The following OR4N2 variants were observed in gnomAD, a reference collection of about 807,000 sequenced individuals.
The protein encoded by OR4N2 is olfactory receptor 4N2.
For synonymous variants in OR4N2, 141 were observed against 140.4 expected, an observed-to-expected ratio of 1.00 and a Z score of -0.03; for missense variants, 307 against 377.6, an observed-to-expected ratio of 0.81 and a Z score of 1.55.
chr14:19,812,529 T>G (rs1566463782), intron 1 of OR4N2, among the ~76,000 whole-genome samples: 2 of 152,278 alleles, frequency 1.3e-5, no homozygotes, highest in South Asian at 4.1e-4. Flanking sequence ...TGTTTGTTTT[T>G]TGTATTTTTC....
Position 19,821,711 on chromosome 14 carries a change from A to C in OR4N2, c.-9-5729A>C, listed in dbSNP as rs1159813672. The stretch of plus-strand genomic sequence containing the variant: ...CTTGGTATTATGTAGCACATTTAAA[A>C]AAATTTAGTTCTTGCAAACTCTGGT... On this transcript the variant is annotated intron_variant, in intron 1 of 1. Transcript: ENST00000557677. 7.9e-5 allele frequency among the ~76,000 whole-genome samples: 12 copies of C among 152,366 alleles called. No individual in the cohort carries two copies. The South Asian group carries it at 2.3e-3, about 29-fold the overall frequency.
At chr14:19,818,497 T>C (rs1233722575) in intron 1 of OR4N2, among the ~76,000 whole-genome samples, 1 of 152,324 alleles carries the variant, frequency 6.6e-6, no homozygotes, top group African/African-American at 2.4e-5. Flanking sequence ...GAGACTAGGA[T>C]TGCAACCGCT....
intron 1 of OR4N2, among the ~76,000 whole-genome samples, chr14:19,818,758 T>C (rs576252116): frequency 2.6e-5 from 4 of 151,800 alleles, no homozygotes; most frequent in African/African-American, 9.7e-5. Flanking sequence ...TGTTGGTTAA[T>C]GCAGTTTCTT....
intron 1 of OR4N2, among the ~76,000 whole-genome samples, chr14:19,814,563 A>G (rs532160452): frequency 2.0e-4 from 30 of 152,378 alleles, no homozygotes; most frequent in African/African-American, 7.2e-4. Context: ...TAATTTTAAA[A>G]TTTGTGATAA....
At chr14:19,817,475 G>A (rs1487645755) in intron 1 of OR4N2, among the ~76,000 whole-genome samples, 26 of 152,356 alleles carry the variant, frequency 1.7e-4, no homozygotes, top group Non-Finnish European at 2.8e-4. Context: ...TAGTTTATTT[G>A]TGTAGAGGTG....
Position 19,805,755 on chromosome 14 carries a change from G to A in OR4N2, c.-10+1911G>A, listed in dbSNP as rs539493396. On this transcript the variant is annotated intron_variant, in intron 1 of 1. Transcript: ENST00000557677. ...ATAGAGAGAACCCTGGCTAGATATC[G>A]TACGAGATGTACAAGGCACATAATC... Among the ~76,000 whole-genome samples the A allele has an allele frequency of 2.1e-3, 321 of 152,158 alleles. 1 individual carries two copies. Among genetic ancestry groups the A allele is most frequent in the Middle Eastern group, 6.8e-3 (2 of 294 alleles).
chr14:19,804,771 G>A (rs1184874378), intron 1 of OR4N2, among the ~76,000 whole-genome samples: 3 of 152,120 alleles, frequency 2.0e-5, no homozygotes, highest in African/African-American at 7.2e-5. Context: ...CTATCTCAAT[G>A]CTCTAATACT....
chr14:19,813,338 T>G (rs988015595), intron 1 of OR4N2, among the ~76,000 whole-genome samples: 2 of 152,280 alleles, frequency 1.3e-5, no homozygotes, highest in Non-Finnish European at 2.9e-5. Context: ...TGGAATGCCA[T>G]GCGAGCTGTC....
At chr14:19,805,237 T>A (rs117731273) in intron 1 of OR4N2, among the ~76,000 whole-genome samples, 83 of 152,332 alleles carry the variant, frequency 5.4e-4, no homozygotes, top group Non-Finnish European at 9.9e-4. Context: ...CCAGCAATGA[T>A]TCCTTACCCA....
Position 19,829,805 on chromosome 14 carries a change from T to G in OR4N2, c.*1433T>G, listed in dbSNP as rs1879821356. On this transcript the variant is annotated 3_prime_UTR_variant, in exon 2 of 2. Coordinates refer to ENST00000557677, the MANE Select transcript of OR4N2 (RefSeq NM_001004723.3). ...TTTTATTTTTGATAATCGCCAAAGT[T>G]TATACTTAGGAATATAAATTTTGTA... 1 of 152,254 alleles carries G rather than the reference T, an allele frequency of 6.6e-6. No individual in the cohort carries two copies. Among genetic ancestry groups the G allele is most frequent in the African/African-American group, 2.4e-5 (1 of 41,468 alleles). The allele number at this position is 152,254 out of a possible 1,614,324, so 9.4% of individuals were successfully genotyped here. A position where few individuals can be genotyped will look rare whatever the true frequency, so the allele number is the denominator to read the frequency against.
At chr14:19,809,985 A>C (rs199677268) in intron 1 of OR4N2, among the ~76,000 whole-genome samples, 12,398 of 149,736 alleles carry the variant, frequency 0.083, 105 homozygotes, top group East Asian at 0.18. Flanking sequence ...CCACAAAAAA[A>C]CAGAAATTGA....
intron 1 of OR4N2, among the ~76,000 whole-genome samples, chr14:19,820,148 T>C (rs1363530423): frequency 6.6e-6 from 1 of 152,242 alleles, no homozygotes; most frequent in Non-Finnish European, 1.5e-5. Context: ...TGTCTCCCAG[T>C]CAGGAGGCAC....
At chr14:19,820,364 T>G (rs1186320425) in intron 1 of OR4N2, among the ~76,000 whole-genome samples, 1 of 152,272 alleles carries the variant, frequency 6.6e-6, no homozygotes, top group Non-Finnish European at 1.5e-5. Flanking sequence ...CTAGTTCTTT[T>G]CATTGTAATG....
chr14:19,822,899 G>T lies in OR4N2; in HGVS notation c.-9-4541G>T, dbSNP rs1344705068. 3.9e-5 allele frequency among the ~76,000 whole-genome samples: 6 copies of T among 152,210 alleles called. No individual in the cohort carries two copies. In the East Asian group the frequency reaches 7.7e-4, roughly 19 times the overall value. ...TGACTTTCCCAGAATCACACAATAA[G>T]TTAATTGCTCATTCAAGGCATGAGA... On this transcript the variant is annotated intron_variant, in intron 1 of 1. Transcript: ENST00000557677.
chr14:19,804,579 G>A (rs1472247028), intron 1 of OR4N2, among the ~76,000 whole-genome samples: 2 of 152,104 alleles, frequency 1.3e-5, no homozygotes, highest in Non-Finnish European at 2.9e-5. Flanking sequence ...GTATGATTTT[G>A]GATTTTTTGA....
At chr14:19,820,126 C>T (rs536612869) in intron 1 of OR4N2, among the ~76,000 whole-genome samples, 4 of 152,332 alleles carry the variant, frequency 2.6e-5, no homozygotes, top group South Asian at 2.1e-4. Flanking sequence ...TCTGTTGACC[C>T]CTGCTAGGAG....
At chr14:19,824,536 G>T (rs1278647843) in intron 1 of OR4N2, among the ~76,000 whole-genome samples, 1 of 152,240 alleles carries the variant, frequency 6.6e-6, no homozygotes, top group Non-Finnish European at 1.5e-5. Flanking sequence ...TAAAACACAT[G>T]AGTAAGTACA....
chr14:19,804,799 G>A (rs1467500199), intron 1 of OR4N2, among the ~76,000 whole-genome samples: 1 of 152,194 alleles, frequency 6.6e-6, no homozygotes, highest in African/African-American at 2.4e-5. Flanking sequence ...GGGTGTTGAA[G>A]TCTCCCAGTA....
At chr14:19,816,979 T>C (rs1406446208) in intron 1 of OR4N2, among the ~76,000 whole-genome samples, 1 of 152,284 alleles carries the variant, frequency 6.6e-6, no homozygotes, top group African/African-American at 2.4e-5. Context: ...GTTCTGTTTA[T>C]GTGATGGATT....
Sources: allele counts gnomAD v4.1 joint callset (sites outside exome capture counted in the v4.1 genomes callset), GRCh38; gene constraint gnomAD v4.1.1; transcripts MANE v1.5; gene names NCBI Gene and HGNC (gene_info 2026-07-23, HGNC 2026-07-21).